TMEM17: variants seen among roughly 807,000 people sequenced by gnomAD.
The protein encoded by TMEM17 is transmembrane protein 17.
TMEM17 carries 15 observed loss-of-function variants against 19.1 expected under a neutral mutation model. That is an observed-to-expected ratio of 0.78 (90% CI 0.52 to 1.21). TMEM17 has a LOEUF of 1.21. Among genes scored for constraint, TMEM17 ranks in the 50% most tolerant of loss-of-function variants. The probability of loss-of-function intolerance (pLI) is 0.00; values close to 1 mark genes in which losing one functional copy is unlikely to be tolerated. For missense variants in TMEM17, 245 were observed against 242.3 expected (o/e 1.01, Z -0.07); for synonymous variants, 103 against 86.9 (o/e 1.19, Z -1.03).
At chr2:62,467,992 C>T in the TMEM17 span, among the ~76,000 whole-genome samples, 8,220 of 151,620 alleles carry the variant, frequency 0.054, 603 homozygotes, top group East Asian at 0.37. Context: ...CCTCGGGGTA[C>T]TCAGCATGCC....
the TMEM17 span, among the ~76,000 whole-genome samples, chr2:62,477,134 C>T: frequency 7.2e-5 from 11 of 152,198 alleles, no homozygotes; most frequent in Non-Finnish European, 1.5e-4. Flanking sequence ...CAGTGGCTCA[C>T]GCCTGTAATC....
At chr2:62,489,611 C>T in the TMEM17 span, among the ~76,000 whole-genome samples, 1 of 152,056 alleles carries the variant, frequency 6.6e-6, no homozygotes, top group African/African-American at 2.4e-5. Flanking sequence ...CCATTTTATG[C>T]AATAAAGGCA....
At position 62,501,094 on chromosome 2, in the gene TMEM17, G is replaced by T; in HGVS notation, c.*115C>A. The T allele has an allele frequency of 2.5e-6, 3 of 1,191,966 alleles. No individual in the cohort carries two copies. The highest frequency in any genetic ancestry group is 3.5e-6 in the Non-Finnish European group (3 of 852,466). The allele number at this position is 1,191,966 out of a possible 1,614,324, so 73.8% of individuals were successfully genotyped here. ...GCCCCCAACCTTGGAATTTCAGAGT[G>T]AGAGCATATACAATTCAAAACACTT... On this transcript the variant is annotated 3_prime_UTR_variant, in exon 4 of 4. Transcript: ENST00000335390.
the TMEM17 span, among the ~76,000 whole-genome samples, chr2:62,478,231 C>G: frequency 1.3e-5 from 2 of 152,140 alleles, no homozygotes; most frequent in Non-Finnish European, 2.9e-5. Flanking sequence ...CTTGACGGAG[C>G]CACAGCATGA....
chr2:62,484,820 C>T, the TMEM17 span, among the ~76,000 whole-genome samples: 1 of 152,182 alleles, frequency 6.6e-6, no homozygotes, highest in Non-Finnish European at 1.5e-5. Flanking sequence ...AATAGTTCAG[C>T]TTTGACCAAA....
downstream of TMEM17, among the ~76,000 whole-genome samples, chr2:62,498,664 C>T (rs889806396): frequency 4.1e-5 from 6 of 145,644 alleles, no homozygotes; most frequent in African/African-American, 1.3e-4. Flanking sequence ...TGCAGTGAGC[C>T]GAGATCCCGC....
Position 62,502,705 on chromosome 2 carries a change from T to A in TMEM17, c.190A>T (p.Met64Leu). ...FPLWWVSSIM[M>L]LHMKYSILPD... ...CTTAGATTTACCTTCATGTGAAGCA[T>A]CATAATGCTGCTCACCCACCACAGT... The change falls in exon 2 of 4, where the codon ATG (methionine) becomes TTG (leucine). Residue 64 changes from methionine (M) to leucine (L), a missense_variant. Coordinates refer to ENST00000335390, the MANE Select transcript of TMEM17 (RefSeq NM_198276.3). 1 of 1,605,344 alleles carries A rather than the reference T, an allele frequency of 6.2e-7. No homozygotes were observed. Among genetic ancestry groups the A allele is most frequent in the Non-Finnish European group, 8.5e-7 (1 of 1,176,560 alleles).
At chr2:62,470,402 T>C in the TMEM17 span, among the ~76,000 whole-genome samples, 2 of 152,246 alleles carry the variant, frequency 1.3e-5, no homozygotes, top group African/African-American at 2.4e-5. Flanking sequence ...TCTCAATTCC[T>C]GCTTCCTCAA....
At chr2:62,466,079 C>G in the TMEM17 span, among the ~76,000 whole-genome samples, 1 of 152,014 alleles carries the variant, frequency 6.6e-6, no homozygotes, top group Non-Finnish European at 1.5e-5. Flanking sequence ...AGGAGGGGTC[C>G]CCACTACCCT....
the TMEM17 span, among the ~76,000 whole-genome samples, chr2:62,477,925 C>T: frequency 6.6e-6 from 1 of 152,246 alleles, no homozygotes; most frequent in Non-Finnish European, 1.5e-5. Context: ...GCTCCTGGAA[C>T]TCCCACTGCT....
downstream of TMEM17, among the ~76,000 whole-genome samples, chr2:62,496,193 T>C (rs894276953): frequency 6.6e-6 from 1 of 152,228 alleles, no homozygotes; most frequent in African/African-American, 2.4e-5. Flanking sequence ...ATATTCATTG[T>C]ACTATTTTTA....
the TMEM17 span, among the ~76,000 whole-genome samples, chr2:62,467,837 T>C: frequency 6.7e-6 from 1 of 150,132 alleles, no homozygotes; most frequent in Admixed American, 6.6e-5. Flanking sequence ...GGGCCTGGGG[T>C]GGTGGGTGAG....
At chr2:62,477,896 A>G in the TMEM17 span, among the ~76,000 whole-genome samples, 1 of 152,164 alleles carries the variant, frequency 6.6e-6, no homozygotes, top group African/African-American at 2.4e-5. Flanking sequence ...GCAGACTTTA[A>G]GGCACTCATG....
At chr2:62,487,606 G>A in the TMEM17 span, among the ~76,000 whole-genome samples, 1 of 152,194 alleles carries the variant, frequency 6.6e-6, no homozygotes, top group Non-Finnish European at 1.5e-5. Flanking sequence ...GTGAATGGGT[G>A]GGATTATCCC....
At chr2:62,466,171 T>C in the TMEM17 span, among the ~76,000 whole-genome samples, 1,413 of 152,202 alleles carry the variant, frequency 9.3e-3, 16 homozygotes, top group African/African-American at 0.031. Flanking sequence ...GAGTTTGGAA[T>C]GTAAAGTTCT....
At chr2:62,459,889 T>A in the TMEM17 span, among the ~76,000 whole-genome samples, 1 of 152,244 alleles carries the variant, frequency 6.6e-6, no homozygotes, top group Admixed American at 6.5e-5. Flanking sequence ...CCTCCCACCT[T>A]GGCCTCCAAG....
chr2:62,487,042 A>T, the TMEM17 span, among the ~76,000 whole-genome samples: 1 of 152,196 alleles, frequency 6.6e-6, no homozygotes, highest in Non-Finnish European at 1.5e-5. Flanking sequence ...TCATCTTAAT[A>T]ATTGTGTTAG....
At chr2:62,496,502 A>G (rs947206033), downstream of TMEM17, among the ~76,000 whole-genome samples, 3 of 152,268 alleles carry the variant, frequency 2.0e-5, no homozygotes, top group African/African-American at 7.2e-5. Context: ...GTAACTATGT[A>G]GAAACATAGG....
At chr2:62,494,222 C>A in the TMEM17 span, among the ~76,000 whole-genome samples, 6 of 152,130 alleles carry the variant, frequency 3.9e-5, no homozygotes, top group African/African-American at 1.4e-4. Flanking sequence ...AAAATCATAG[C>A]GTACTAAAAA....
Sources: gnomAD v4.1 joint callset for allele counts (sites outside exome capture counted in the v4.1 genomes callset) on GRCh38, gnomAD v4.1.1 for gene constraint, MANE v1.5 for transcripts, NCBI Gene and HGNC (gene_info 2026-07-23, HGNC 2026-07-21) for gene names.